ATP8B4: variants seen among roughly 807,000 people sequenced by gnomAD.
The protein encoded by ATP8B4 is probable phospholipid-transporting ATPase IM.
In ATP8B4, 133 loss-of-function variants were observed where a neutral mutation model predicts 145.6. The observed-to-expected ratio is 0.91, with a 90% CI of 0.79 to 1.05. The LOEUF (loss-of-function observed/expected upper bound fraction) is 1.05, where lower values mean the gene tolerates loss of function less well. ATP8B4 is among the 50% of genes least tolerant of loss of function. The pLI, the probability that ATP8B4 is intolerant of heterozygous loss-of-function variation, is 0.00. For missense variants in ATP8B4, 1,458 were observed against 1,425.2 expected (o/e 1.02, Z -0.37); for synonymous variants, 507 against 492.9 (o/e 1.03, Z -0.38).
At chr15:50,056,097 TCAC>T (rs937012244) in intron 3 of ATP8B4, among the ~76,000 whole-genome samples, 2 of 151,942 alleles carry the variant, frequency 1.3e-5, no homozygotes, top group Non-Finnish European at 2.9e-5. Flanking sequence ...ACACTCATCA[TCAC>T]CACCACCACC....
intron 2 of ATP8B4, among the ~76,000 whole-genome samples, chr15:50,078,249 T>C (rs1223269092): frequency 6.6e-6 from 1 of 151,602 alleles, no homozygotes; most frequent in Non-Finnish European, 1.5e-5. Context: ...GGCACAATTG[T>C]AGTTCACTGC....
chr15:49,876,577 C>CT, intron 24 of ATP8B4, 54 bp from the exon 25 acceptor site: 1 of 1,602,180 alleles, frequency 6.2e-7, no homozygotes. Context: ...TCAGAGAGGC[C>CT]TTGTATTCCC....
chr15:50,139,347 A>G (rs1030617239), intron 1 of ATP8B4, among the ~76,000 whole-genome samples: 1 of 152,134 alleles, frequency 6.6e-6, no homozygotes, highest in Non-Finnish European at 1.5e-5. Context: ...CAGAAAACCA[A>G]ACACCGCATG....
chr15:50,060,400 T>A (rs1017026060), intron 3 of ATP8B4, among the ~76,000 whole-genome samples: 1 of 152,108 alleles, frequency 6.6e-6, no homozygotes, highest in Non-Finnish European at 1.5e-5. Context: ...CTTGAGTGAG[T>A]GCAATTTTCC....
chr15:49,916,912 T>G, intron 20 of ATP8B4, 22 bp downstream of exon 20: 1 of 1,602,076 alleles, frequency 6.2e-7, no homozygotes, highest in Non-Finnish European at 8.5e-7. Context: ...TTCCATCCTT[T>G]CCTCCTTCCT....
rs7170430 is a variant in ATP8B4, at chr15:50,179,322, T to C, written c.-43+2939A>G. On this transcript the variant is annotated intron_variant, in intron 1 of 3. Coordinates refer to the ATP8B4 transcript ENST00000558829. ...AGGTTCCCAAGAGATGTACCAAGAA[T>C]GGGCAGCCAACGTGCTAAGCTATCG... 2.1e-4 allele frequency among the ~76,000 whole-genome samples: 32 copies of C among 152,284 alleles called. No homozygotes were observed. In the East Asian group the frequency reaches 2.1e-3, roughly 10 times the overall value.
chr15:49,942,669 C>CA (rs1567042092), intron 14 of ATP8B4, among the ~76,000 whole-genome samples: 1 of 151,174 alleles, frequency 6.6e-6, no homozygotes. Context: ...CTAAAAAATA[C>CA]AAAAAATTAG....
chr15:49,898,838 T>C (rs1432269913), intron 21 of ATP8B4, among the ~76,000 whole-genome samples: 1 of 152,096 alleles, frequency 6.6e-6, no homozygotes, highest in Non-Finnish European at 1.5e-5. Context: ...ACAGACAGGG[T>C]TCCTCAACCA....
At chr15:49,998,593 T>C (rs964013771) in intron 8 of ATP8B4, among the ~76,000 whole-genome samples, 2 of 152,186 alleles carry the variant, frequency 1.3e-5, no homozygotes, top group African/African-American at 4.8e-5. Flanking sequence ...GGTTGTTTGT[T>C]TTTTTCTTGT....
intron 6 of ATP8B4, among the ~76,000 whole-genome samples, chr15:50,022,601 A>G (rs936562987): frequency 2.0e-5 from 3 of 152,174 alleles, no homozygotes; most frequent in Admixed American, 6.5e-5. Flanking sequence ...ACTTTTTCCA[A>G]TTCAAGCCAA....
intron 10 of ATP8B4, among the ~76,000 whole-genome samples, chr15:49,984,312 A>G (rs564440799): frequency 6.6e-6 from 1 of 152,366 alleles, no homozygotes; most frequent in African/African-American, 2.4e-5. Flanking sequence ...AATATTTAAG[A>G]CTGTGTCTCA....
chr15:49,883,848 T>C (rs977081792), intron 23 of ATP8B4, among the ~76,000 whole-genome samples: 28 of 152,258 alleles, frequency 1.8e-4, no homozygotes, highest in African/African-American at 6.7e-4. Context: ...CAGAACCTTT[T>C]AGGGGATCCA....
chr15:49,915,239 A>G (rs1228162562), intron 20 of ATP8B4, among the ~76,000 whole-genome samples: 1 of 152,160 alleles, frequency 6.6e-6, no homozygotes, highest in Non-Finnish European at 1.5e-5. Flanking sequence ...TCTCACTCCT[A>G]TGCGAAAACT....
intron 3 of ATP8B4, among the ~76,000 whole-genome samples, chr15:50,072,671 G>A (rs1241122077): frequency 6.6e-6 from 1 of 151,628 alleles, no homozygotes; most frequent in East Asian, 1.9e-4. Context: ...ACCCAGGCTG[G>A]AGTGAGTGCA....
chr15:50,043,218 G>A (rs2051443388), intron 5 of ATP8B4, among the ~76,000 whole-genome samples: 2 of 152,280 alleles, frequency 1.3e-5, no homozygotes, highest in South Asian at 2.1e-4. Flanking sequence ...TAATTTGTCT[G>A]GATTTAGAAT....
At position 50,047,388 on chromosome 15, in the gene ATP8B4, A is replaced by C. The variant is rs779392717; in HGVS notation, c.164T>G (p.Val55Gly). The C allele has an allele frequency of 6.3e-7, 1 of 1,595,324 alleles. No homozygotes were observed. The highest frequency in any genetic ancestry group is 1.3e-5 in the African/African-American group (1 of 74,472). The stretch of plus-strand genomic sequence containing the variant: ...AAGGCAAAGAAAATAGGCATTTGCC[A>C]CTCTTTGGAACTGTTCAAATAAATT... Reference protein sequence around the residue: ...PINLFEQFQRVANAYFLCLLI... With the variant: ...PINLFEQFQRGANAYFLCLLI... The change falls in exon 4 of 28, where the codon GTG becomes GGG. Residue 55 changes from valine to glycine, a missense_variant. Physicochemically the swap from Val to Gly is moderately radical, Grantham distance 109. Coordinates refer to ENST00000284509, the MANE Select transcript of ATP8B4 (RefSeq NM_024837.4).
chr15:50,074,964 A>G (rs2054082584), intron 2 of ATP8B4, among the ~76,000 whole-genome samples: 1 of 152,174 alleles, frequency 6.6e-6, no homozygotes, highest in Admixed American at 6.5e-5. Flanking sequence ...GAATGATGAA[A>G]GCTATGAGAA....
intron 3 of ATP8B4, among the ~76,000 whole-genome samples, chr15:50,058,400 A>ACTG (rs1191874021): frequency 6.6e-6 from 1 of 152,196 alleles, no homozygotes; most frequent in Non-Finnish European, 1.5e-5. Context: ...CCATGTTCAC[A>ACTG]CTGCTGTGTA....
At chr15:49,970,282 C>G (rs1258173846) in intron 13 of ATP8B4, among the ~76,000 whole-genome samples, 1 of 152,118 alleles carries the variant, frequency 6.6e-6, no homozygotes. Flanking sequence ...GGCAATCAGG[C>G]AAGAGAACGA....
Sources: gnomAD v4.1 joint callset for allele counts (sites outside exome capture counted in the v4.1 genomes callset) on GRCh38, gnomAD v4.1.1 for gene constraint, MANE v1.5 for transcripts, NCBI Gene and HGNC (gene_info 2026-07-23, HGNC 2026-07-21) for gene names.